Variants in PEMT observed in about 807,000 individuals in gnomAD.
PEMT encodes the protein phospholipid methyltransferase.
PEMT carries 23 observed loss-of-function variants against 27.4 expected under a neutral mutation model. The ratio of observed to expected loss-of-function variants is 0.84; its 90% CI spans 0.60 to 1.19. The LOEUF (loss-of-function observed/expected upper bound fraction) is 1.19. Among genes scored for constraint, PEMT ranks in the 50% most tolerant of loss-of-function variants. The pLI is 0.00. For missense variants in PEMT, 307 were observed against 310.1 expected, an observed-to-expected ratio of 0.99 and a Z score of 0.07; for synonymous variants, 137 against 139.1, an observed-to-expected ratio of 0.98 and a Z score of 0.11.
At position 17,562,048 on chromosome 17, in the gene PEMT, G is replaced by A. The variant is rs1033480253; in HGVS notation, c.204+14872C>T. 3.2e-4 allele frequency among the ~76,000 whole-genome samples: 49 copies of A among 152,214 alleles called. 1 individual carries two copies. Among genetic ancestry groups the A allele is most frequent in the South Asian group, 4.1e-4 (2 of 4,836 alleles). Reference sequence around the variant, plus strand: ...GCCTCTTCCTGCCAGCAAGGCTGGCGTTCCGGCCCATTGGAGTCGGCCGTG... The same window carrying A: ...GCCTCTTCCTGCCAGCAAGGCTGGCATTCCGGCCCATTGGAGTCGGCCGTG... On this transcript the variant is annotated intron_variant, in intron 2 of 6. Transcript: ENST00000255389.
At chr17:17,575,521 GC>G (rs1438244736) in intron 2 of PEMT, among the ~76,000 whole-genome samples, 3 of 152,234 alleles carry the variant, frequency 2.0e-5, no homozygotes, top group Admixed American at 1.3e-4. Context: ...GAGGAAGCAT[GC>G]AGGCCAGGCA....
chr17:17,572,262 C>T (rs1032770996), intron 2 of PEMT, among the ~76,000 whole-genome samples: 1 of 152,242 alleles, frequency 6.6e-6, no homozygotes, highest in Non-Finnish European at 1.5e-5. Context: ...GTCTCTTCTC[C>T]TCTGTCCTTG....
intron 1 of PEMT, among the ~76,000 whole-genome samples, chr17:17,587,841 A>T (rs970246778): frequency 6.6e-6 from 1 of 152,216 alleles, no homozygotes; most frequent in Non-Finnish European, 1.5e-5. Flanking sequence ...ACGCCACTGC[A>T]TTCCTGAGTA....
intron 2 of PEMT, among the ~76,000 whole-genome samples, chr17:17,543,183 T>A (rs941553997): frequency 2.0e-5 from 3 of 152,050 alleles, no homozygotes; most frequent in Admixed American, 2.0e-4. Context: ...TCCTACAGAG[T>A]CCTGAGGGCC....
chr17:17,582,279 G>T lies in PEMT; in HGVS notation c.97-5252C>A. 1 of 985,538 alleles carries T rather than the reference G, an allele frequency of 1.0e-6. No individual in the cohort carries two copies. Among genetic ancestry groups the T allele is most frequent in the Non-Finnish European group, 1.2e-6 (1 of 830,000 alleles). The allele number at this position is 985,538 out of a possible 1,614,324, so 61.0% of individuals were successfully genotyped here. A position where few individuals can be genotyped will look rare whatever the true frequency, so the allele number is the denominator to read the frequency against. Reference sequence around the variant, plus strand: ...AGGAGCTACCCACCACGGCCAGGAGGTCTGCTGAGCTGCAGGAATAGCTCG... The same window carrying T: ...AGGAGCTACCCACCACGGCCAGGAGTTCTGCTGAGCTGCAGGAATAGCTCG... On this transcript the variant is annotated intron_variant, in intron 1 of 6. Transcript: ENST00000255389. This position sits in a 1 kb window ranked among gnomAD's most constrained non-coding sequence, Gnocchi z 4.9.
At chr17:17,572,857 C>T (rs1476821605) in intron 2 of PEMT, among the ~76,000 whole-genome samples, 3 of 152,202 alleles carry the variant, frequency 2.0e-5, no homozygotes, top group South Asian at 2.1e-4. Context: ...GCATGAGTCC[C>T]GCCACCACCA....
chr17:17,519,331 T>C (rs575397831), intron 3 of PEMT, among the ~76,000 whole-genome samples: 1 of 152,298 alleles, frequency 6.6e-6, no homozygotes, highest in South Asian at 2.1e-4. Flanking sequence ...CAGGACATCC[T>C]TTCTCTCCTC....
At chr17:17,553,661 C>G (rs917041959) in intron 2 of PEMT, among the ~76,000 whole-genome samples, 2 of 152,254 alleles carry the variant, frequency 1.3e-5, no homozygotes, top group African/African-American at 2.4e-5. Flanking sequence ...TCAGCTCCCA[C>G]GCGTGGCCTT....
rs1907446285 is a variant in PEMT, at chr17:17,523,566, C to T, written c.205-1171G>A. 6.6e-6 allele frequency among the ~76,000 whole-genome samples: 1 copy of T among 152,180 alleles called. No homozygotes were observed. Among genetic ancestry groups the T allele is most frequent in the African/African-American group, 2.4e-5 (1 of 41,444 alleles). ...AAGGAGGTAGCTCCCGGGCCTTCCC[C>T]TCAACCAGCTGTTGGCACTGCAGCC... On this transcript the variant is annotated intron_variant, in intron 2 of 6. Coordinates refer to ENST00000255389, the MANE Select transcript of PEMT (RefSeq NM_148172.3). The surrounding 1 kb of genome is among the most constrained non-coding windows in gnomAD (Gnocchi z 4.8).
chr17:17,549,151 G>A (rs749901488), intron 2 of PEMT, among the ~76,000 whole-genome samples: 13 of 152,190 alleles, frequency 8.5e-5, no homozygotes, highest in South Asian at 6.2e-4. Flanking sequence ...GGGACTACAG[G>A]CATGTGCCAC....
intron 2 of PEMT, among the ~76,000 whole-genome samples, chr17:17,564,250 A>G (rs1436328034): frequency 6.6e-6 from 1 of 151,968 alleles, no homozygotes; most frequent in Non-Finnish European, 1.5e-5. Context: ...TGGGACTCTT[A>G]CCTGCCCACA....
intron 1 of PEMT, chr17:17,578,738 T>C (rs140304324): frequency 8.0e-4 from 121 of 152,116 alleles, no homozygotes; most frequent in African/African-American, 2.7e-3. Flanking sequence ...TTCCACATTT[T>C]TGGACACAAG....
In PEMT at chr17:17,582,657, C is replaced by T. The variant is rs1912038973; in HGVS notation, c.97-5630G>A. On this transcript the variant is annotated intron_variant, in intron 1 of 6. Coordinates refer to ENST00000255389, the MANE Select transcript of PEMT (RefSeq NM_148172.3). The surrounding 1 kb of genome is among the most constrained non-coding windows in gnomAD (Gnocchi z 4.9). ...CACTGCCCCCAGAGCTGCCCTCATGCCCTGGCACCATAAGCTGACTCGGGT... is the reference window on the plus strand; with the variant it reads ...CACTGCCCCCAGAGCTGCCCTCATGTCCTGGCACCATAAGCTGACTCGGGT... 6.6e-6 allele frequency among the ~76,000 whole-genome samples: 1 copy of T among 152,222 alleles called. No homozygotes were observed. The highest frequency in any genetic ancestry group is 6.5e-5 in the Admixed American group (1 of 15,276).
At chr17:17,518,293 C>A (rs944507783) in intron 3 of PEMT, 1 of 333,416 alleles carries the variant, frequency 3.0e-6, no homozygotes, top group Non-Finnish European at 4.3e-6. Context: ...GCCTCGCCCA[C>A]CCCCGTGGGC....
At chr17:17,574,244 CAA>C (rs1158184847) in intron 2 of PEMT, among the ~76,000 whole-genome samples, 57 of 45,224 alleles carry the variant, frequency 1.3e-3, no homozygotes, top group African/African-American at 3.0e-3. Flanking sequence ...AGCTTATGAC[CAA>C]AAAAAAAAAA....
chr17:17,582,537 A>C lies in PEMT; in HGVS notation c.97-5510T>G. ...TTCCAGGCCACACACCACACACAAC[A>C]AAGGGCAGGGGAATGGGTGGGGGCT... On this transcript the variant is annotated intron_variant, in intron 1 of 6. Transcript: ENST00000255389. The surrounding 1 kb of genome is among the most constrained non-coding windows in gnomAD (Gnocchi z 4.9). The C allele has an allele frequency of 2.1e-6, 1 of 479,590 alleles. No homozygotes were observed. The highest frequency in any genetic ancestry group is 2.7e-6 in the Non-Finnish European group (1 of 367,884). 29.7% of individuals were successfully genotyped at this position (479,590 alleles called of 1,614,324 possible). A position where few individuals can be genotyped will look rare whatever the true frequency, so the allele number is the denominator to read the frequency against.
rs370195188 is a variant in PEMT, at chr17:17,590,700, G to A, written c.96+831C>T. ...GAGCGAAAGAACTGGATTAGAAGCT[G>A]CTTGGGGCAGAGATGTGCCTTACAG... On this transcript the variant is annotated intron_variant, in intron 1 of 6. Transcript: ENST00000255389. Among the ~76,000 whole-genome samples, 12 of 152,370 alleles carry A rather than the reference G, an allele frequency of 7.9e-5. No individual in the cohort carries two copies. The South Asian group carries it at 1.2e-3, about 16-fold the overall frequency.
chr17:17,549,232 C>T (rs893663264), intron 2 of PEMT, among the ~76,000 whole-genome samples: 1 of 152,156 alleles, frequency 6.6e-6, no homozygotes, highest in East Asian at 1.9e-4. Flanking sequence ...CTCTGTCGCC[C>T]AGGCTGGAGT....
At chr17:17,522,474 T>C in intron 2 of PEMT, 79 bp from the exon 3 acceptor site, 1 of 898,768 alleles carries the variant, frequency 1.1e-6, no homozygotes, top group Non-Finnish European at 1.8e-6. Context: ...CATGCCTCTC[T>C]CTGCTTCCCA....
Sources: allele counts gnomAD v4.1 joint callset (sites outside exome capture counted in the v4.1 genomes callset), GRCh38; gene constraint gnomAD v4.1.1; non-coding constraint Gnocchi (gnomAD v3.1); transcripts MANE v1.5; gene names NCBI Gene and HGNC (gene_info 2026-07-23, HGNC 2026-07-21).